PRKACB: variants seen among roughly 807,000 people sequenced by gnomAD.
PRKACB encodes protein kinase cAMP-activated catalytic subunit beta.
Under a neutral mutation model 51.4 loss-of-function variants are expected in PRKACB, and 16 were observed. The observed-to-expected ratio is 0.31, with a 90% CI of 0.21 to 0.47. The LOEUF is 0.47. Ranked by LOEUF, PRKACB falls within the 20% of genes least tolerant of loss-of-function variation. The pLI, the probability that PRKACB is intolerant of heterozygous loss-of-function variation, is 1.00. For synonymous variants in PRKACB, 147 were observed against 154.4 expected (o/e 0.95, Z 0.35); for missense variants, 309 against 464.5 (o/e 0.67, Z 3.08).
intron 2 of PRKACB, among the ~76,000 whole-genome samples, chr1:84,180,042 A>C (rs1003048641): frequency 6.9e-6 from 1 of 144,522 alleles, no homozygotes; most frequent in African/African-American, 2.5e-5. Context: ...GAGAACATAA[A>C]GACCAAAAAA....
At chr1:84,104,072 T>C (rs956261311) in intron 1 of PRKACB, among the ~76,000 whole-genome samples, 9 of 152,214 alleles carry the variant, frequency 5.9e-5, no homozygotes, top group African/African-American at 2.2e-4. Flanking sequence ...TTACTTTTCC[T>C]ATCTAGCTGT....
intron 8 of PRKACB, 97 bp from the exon 9 acceptor site, chr1:84,214,056 A>G: frequency 1.6e-6 from 2 of 1,274,030 alleles, no homozygotes; most frequent in South Asian, 3.6e-5. Context: ...TTGTTTATAT[A>G]ATGGCTTGTT....
chr1:84,085,194 A>T (rs1057175206), intron 1 of PRKACB, among the ~76,000 whole-genome samples: 2 of 152,206 alleles, frequency 1.3e-5, no homozygotes, highest in African/African-American at 4.8e-5. Context: ...TTTTGTAGTT[A>T]TACAGGATAG....
chr1:84,138,128 T>C (rs1653010760), intron 1 of PRKACB, among the ~76,000 whole-genome samples: 1 of 152,084 alleles, frequency 6.6e-6, no homozygotes, highest in Admixed American at 6.5e-5. Context: ...GAGAAATGGA[T>C]GATTCTAAAA....
intron 1 of PRKACB, among the ~76,000 whole-genome samples, chr1:84,150,745 TC>T (rs1473498888): frequency 1.3e-5 from 2 of 152,172 alleles, no homozygotes; most frequent in Non-Finnish European, 2.9e-5. Context: ...GTATGCTTCT[TC>T]TACAGTCTGC....
intron 2 of PRKACB, 115 bp downstream of exon 2, chr1:84,179,353 C>A: frequency 8.1e-7 from 1 of 1,235,714 alleles, no homozygotes. Context: ...TGTTAGTAAA[C>A]AGAAGCTTAA....
intron 8 of PRKACB, among the ~76,000 whole-genome samples, chr1:84,213,181 T>G (rs1672384060): frequency 6.6e-6 from 1 of 152,126 alleles, no homozygotes; most frequent in Non-Finnish European, 1.5e-5. Context: ...TGCATACATA[T>G]GTATGTATGA....
chr1:84,121,016 A>G (rs928676111), intron 1 of PRKACB, among the ~76,000 whole-genome samples: 3 of 152,032 alleles, frequency 2.0e-5, no homozygotes, highest in Non-Finnish European at 4.4e-5. Context: ...TTTGTCTTTA[A>G]TGTTCTTGTA....
chr1:84,147,142 A>G (rs1654212633), intron 1 of PRKACB, among the ~76,000 whole-genome samples: 1 of 152,026 alleles, frequency 6.6e-6, no homozygotes, highest in African/African-American at 2.4e-5. Context: ...CAAATAGGTC[A>G]ATACCATCAA....
At chr1:84,148,577 A>G (rs1246784755) in intron 1 of PRKACB, among the ~76,000 whole-genome samples, 3 of 152,160 alleles carry the variant, frequency 2.0e-5, no homozygotes, top group Non-Finnish European at 4.4e-5. Context: ...AGTATTACAC[A>G]AATGAGCTTC....
At chr1:84,155,519 C>T (rs1244692189) in intron 1 of PRKACB, among the ~76,000 whole-genome samples, 3 of 152,054 alleles carry the variant, frequency 2.0e-5, no homozygotes, top group African/African-American at 7.2e-5. Context: ...AAAAACAATC[C>T]TAAAACTTGT....
Position 84,185,123 on chromosome 1 carries a change from T to A in PRKACB, c.501T>A (p.Val167=), listed in dbSNP as rs373402580. ...AGGATAATTCTAATTTATACATGGTTATGGAATATGTCCCTGGGGGTGAAA... is the reference window on the plus strand; with the variant it reads ...AGGATAATTCTAATTTATACATGGTAATGGAATATGTCCCTGGGGGTGAAA... ...AFKDNSNLYM[V]MEYVPGGEMF... Residue 167 remains valine, a synonymous_variant, in exon 5 of 10, where the codon GTT becomes GTA. Transcript: ENST00000370685. The A allele has an allele frequency of 2.7e-5, 41 of 1,502,380 alleles. No individual in the cohort carries two copies. The African/African-American group carries it at 4.3e-4, about 16-fold the overall frequency. The allele number at this position is 1,502,380 out of a possible 1,614,324, so 93.1% of individuals were successfully genotyped here. A position where few individuals can be genotyped will look rare whatever the true frequency, so the allele number is the denominator to read the frequency against.
chr1:84,120,954 T>G (rs971891322), intron 1 of PRKACB, among the ~76,000 whole-genome samples: 3 of 152,060 alleles, frequency 2.0e-5, no homozygotes, highest in African/African-American at 7.2e-5. Context: ...ATTTCAAGAC[T>G]TTTCAAATCT....
intron 1 of PRKACB, among the ~76,000 whole-genome samples, chr1:84,160,683 A>G (rs1249939898): frequency 6.6e-6 from 1 of 150,784 alleles, no homozygotes; most frequent in Admixed American, 6.6e-5. Context: ...TCTACCTCCA[A>G]TAAATGTAGA....
intron 1 of PRKACB, among the ~76,000 whole-genome samples, chr1:84,167,811 T>C (rs1353774389): frequency 6.6e-5 from 10 of 151,662 alleles, no homozygotes; most frequent in Non-Finnish European, 1.2e-4. Context: ...ACAATAACCA[T>C]AGTATTTACT....
At chr1:84,219,240 T>C (rs75928397) in intron 9 of PRKACB, among the ~76,000 whole-genome samples, 2 of 151,784 alleles carry the variant, frequency 1.3e-5, no homozygotes, top group South Asian at 4.1e-4. Context: ...TTTTTTTTTT[T>C]TGAGTTGGAG....
intron 1 of PRKACB, among the ~76,000 whole-genome samples, chr1:84,165,537 G>A (rs1657143404): frequency 6.6e-6 from 1 of 151,756 alleles, no homozygotes; most frequent in Non-Finnish European, 1.5e-5. Context: ...GAAATAATTA[G>A]AGCATTTTGG....
At chr1:84,140,880 T>C (rs1653335606), upstream of PRKACB, among the ~76,000 whole-genome samples, 1 of 152,164 alleles carries the variant, frequency 6.6e-6, no homozygotes, top group African/African-American at 2.4e-5. Flanking sequence ...AGTCACTTAA[T>C]GTTTATTTTT....
At chr1:84,180,208 A>ATATATATATATATGTG (rs933229907) in intron 2 of PRKACB, among the ~76,000 whole-genome samples, 5 of 129,942 alleles carry the variant, frequency 3.8e-5, no homozygotes, top group African/African-American at 1.1e-4. Context: ...ATATATATAT[A>ATATATATATATATGTG]TGTATGATGG....
Sources: gnomAD v4.1 joint callset for allele counts (sites outside exome capture counted in the v4.1 genomes callset) on GRCh38, gnomAD v4.1.1 for gene constraint, MANE v1.5 for transcripts, NCBI Gene and HGNC (gene_info 2026-07-23, HGNC 2026-07-21) for gene names.